Variants in MLLT3 observed in about 807,000 individuals in gnomAD.
The protein encoded by MLLT3 is MLLT3 super elongation complex subunit.
MLLT3 carries 4 observed loss-of-function variants against 53.2 expected under a neutral mutation model. The observed-to-expected ratio is 0.08, with a 90% CI of 0.04 to 0.17. The LOEUF (loss-of-function observed/expected upper bound fraction) is 0.17, where lower values mean the gene tolerates loss of function less well. MLLT3 is among the 10% of genes least tolerant of loss of function. The probability of loss-of-function intolerance (pLI) is 1.00; values close to 1 mark genes in which losing one functional copy is unlikely to be tolerated. For synonymous variants in MLLT3, 283 were observed against 230.6 expected, an observed-to-expected ratio of 1.23 and a Z score of -2.06; for missense variants, 569 against 684.0, an observed-to-expected ratio of 0.83 and a Z score of 1.87.
At chr9:20,434,307 G>A (rs188253917) in intron 4 of MLLT3, among the ~76,000 whole-genome samples, 15 of 152,040 alleles carry the variant, frequency 9.9e-5, no homozygotes, top group Admixed American at 5.2e-4. Flanking sequence ...CAGGGACAAC[G>A]GAGCATCAAT....
intron 4 of MLLT3, among the ~76,000 whole-genome samples, chr9:20,440,975 C>T (rs929751696): frequency 2.6e-5 from 4 of 152,082 alleles, no homozygotes; most frequent in Non-Finnish European, 5.9e-5. Flanking sequence ...ACTGCTACTT[C>T]GGGGAGGTCT....
chr9:20,503,082 T>C (rs1397010011), intron 2 of MLLT3, among the ~76,000 whole-genome samples: 20 of 152,138 alleles, frequency 1.3e-4, no homozygotes, highest in Admixed American at 1.3e-3. Flanking sequence ...AGACATACTG[T>C]GTTCACAAGT....
intron 2 of MLLT3, among the ~76,000 whole-genome samples, chr9:20,507,460 T>C (rs551783247): frequency 6.6e-6 from 1 of 152,234 alleles, no homozygotes; most frequent in African/African-American, 2.4e-5. Context: ...CAAAAACGTA[T>C]TCATAAAAAG....
intron 4 of MLLT3, among the ~76,000 whole-genome samples, chr9:20,415,271 C>T (rs1822842780): frequency 6.6e-6 from 1 of 152,106 alleles, no homozygotes; most frequent in African/African-American, 2.4e-5. Context: ...ATCAAATGGA[C>T]TAGAAAGTCT....
At chr9:20,578,828 C>CA (rs1207696244) in intron 2 of MLLT3, among the ~76,000 whole-genome samples, 6 of 151,504 alleles carry the variant, frequency 4.0e-5, no homozygotes, top group Admixed American at 3.3e-4. Flanking sequence ...AAGGCTTCAC[C>CA]AAAAAAAGTG....
At chr9:20,539,492 G>A (rs1390655205) in intron 2 of MLLT3, among the ~76,000 whole-genome samples, 1 of 152,162 alleles carries the variant, frequency 6.6e-6, no homozygotes, top group Non-Finnish European at 1.5e-5. Context: ...TGAAGGCAAA[G>A]GGGAAGCAAG....
At chr9:20,428,109 G>C (rs566535320) in intron 4 of MLLT3, among the ~76,000 whole-genome samples, 1 of 151,914 alleles carries the variant, frequency 6.6e-6, no homozygotes, top group Non-Finnish European at 1.5e-5. Flanking sequence ...CCCTCAGAAA[G>C]ATAGTTGCTA....
chr9:20,490,351 C>T (rs1586990308), intron 2 of MLLT3, among the ~76,000 whole-genome samples: 1 of 152,204 alleles, frequency 6.6e-6, no homozygotes, highest in Admixed American at 6.5e-5. Flanking sequence ...AGAGAGATGG[C>T]GTACAAGAGA....
intron 2 of MLLT3, among the ~76,000 whole-genome samples, chr9:20,619,913 A>G (rs770643813): frequency 1.1e-4 from 17 of 152,172 alleles, no homozygotes; most frequent in Non-Finnish European, 2.2e-4. Flanking sequence ...TTCCTCTTCA[A>G]CTTAGCTTCG....
chr9:20,493,666 G>A (rs1445388791), intron 2 of MLLT3, among the ~76,000 whole-genome samples: 3 of 151,832 alleles, frequency 2.0e-5, no homozygotes, highest in African/African-American at 4.8e-5. Context: ...TAAATATAAT[G>A]AGACATCAAA....
intron 2 of MLLT3, among the ~76,000 whole-genome samples, chr9:20,494,631 G>GC (rs5896895): frequency 0.7 from 106,643 of 151,792 alleles, 37,865 homozygotes; most frequent in East Asian, 0.82. Flanking sequence ...TTTTCAGGCT[G>GC]CCACTTTAAA....
chr9:20,535,292 G>C (rs563382417), intron 2 of MLLT3, among the ~76,000 whole-genome samples: 2 of 152,304 alleles, frequency 1.3e-5, no homozygotes, highest in East Asian at 3.9e-4. Context: ...AGGTGGAACA[G>C]TTTCATCCCG....
chr9:20,620,661 T>G lies in MLLT3; in HGVS notation c.186A>C (p.Pro62=). 20 of 1,613,662 alleles carry G rather than the reference T, an allele frequency of 1.2e-5. No homozygotes were observed. Among genetic ancestry groups the G allele is most frequent in the Non-Finnish European group, 1.7e-5 (20 of 1,179,766 alleles). ...TTTGTATTCGAGCCCTACCTCTTTT[T>G]GGCCTAGGAAAGCTTTCGTGCAAGT... ...VFHLHESFPR[P]KRVCKDPPYK... is the part of the protein sequence containing the mutation. Residue 62 remains proline (P), a synonymous_variant, in exon 2 of 11, where the codon CCA becomes CCC. Transcript: ENST00000380338. The surrounding 1 kb of genome is among the most constrained non-coding windows in gnomAD (Gnocchi z 6.1).
chr9:20,343,343 T>A lies in MLLT3; in HGVS notation c.*3100A>T, dbSNP rs375436377. 2 of 209,774 alleles carry A rather than the reference T, an allele frequency of 9.5e-6. No homozygotes were observed. Among genetic ancestry groups the A allele is most frequent in the Admixed American group, 5.9e-5 (1 of 16,948 alleles). The allele number at this position is 209,774 out of a possible 1,614,324, so 13.0% of individuals were successfully genotyped here. A position where few individuals can be genotyped will look rare whatever the true frequency, so the allele number is the denominator to read the frequency against. ...ATGTTTAAGACACTCTCTTAAGAGA[T>A]ATTTTTTTCCTGATCTGAAGTTTTT... On this transcript the variant is annotated 3_prime_UTR_variant, in exon 11 of 11. Transcript: ENST00000380338.
At chr9:20,354,547 CA>C (rs1821116484) in intron 9 of MLLT3, among the ~76,000 whole-genome samples, 1 of 152,200 alleles carries the variant, frequency 6.6e-6, no homozygotes, top group South Asian at 2.1e-4. Context: ...TCTTAATTCC[CA>C]ATTCAATGTG....
intron 4 of MLLT3, among the ~76,000 whole-genome samples, chr9:20,445,077 T>A (rs971630403): frequency 2.0e-5 from 3 of 151,234 alleles, no homozygotes; most frequent in Admixed American, 6.6e-5. Context: ...GGCAACAGAG[T>A]GAGACTCCAT....
chr9:20,502,697 T>C (rs7869671), intron 2 of MLLT3, among the ~76,000 whole-genome samples: 40,120 of 152,128 alleles, frequency 0.26, 6,053 homozygotes, highest in African/African-American at 0.41. Context: ...ACTATGCTAT[T>C]TTATATCAGA....
At chr9:20,494,791 T>C (rs547572646) in intron 2 of MLLT3, among the ~76,000 whole-genome samples, 54 of 152,302 alleles carry the variant, frequency 3.5e-4, no homozygotes, top group African/African-American at 1.3e-3. Flanking sequence ...GTTTGTTATT[T>C]GAATACCCAC....
At chr9:20,500,518 A>G (rs572144887) in intron 2 of MLLT3, among the ~76,000 whole-genome samples, 2 of 152,368 alleles carry the variant, frequency 1.3e-5, no homozygotes, top group East Asian at 3.9e-4. Context: ...AACTGTGAGA[A>G]GAGCATGTGG....
Sources: gnomAD v4.1 joint callset for allele counts (sites outside exome capture counted in the v4.1 genomes callset) on GRCh38, gnomAD v4.1.1 for gene constraint, Gnocchi (gnomAD v3.1) non-coding constraint, MANE v1.5 for transcripts, NCBI Gene and HGNC (gene_info 2026-07-23, HGNC 2026-07-21) for gene names.